Variants in ESRRG observed in about 807,000 individuals in gnomAD.
ESRRG encodes estrogen related receptor gamma, also known as estrogen-related receptor gamma.
A neutral mutation model predicts 44.0 loss-of-function variants in ESRRG; 13 were observed. That is an observed-to-expected ratio of 0.30 (90% confidence interval 0.19 to 0.47). The LOEUF (loss-of-function observed/expected upper bound fraction) is 0.47. ESRRG is among the 20% of genes least tolerant of loss of function. The pLI, the probability that ESRRG is intolerant of heterozygous loss-of-function variation, is 1.00. For missense variants in ESRRG, 395 were observed against 580.6 expected (o/e 0.68, Z 3.29); for synonymous variants, 215 against 214.6 (o/e 1.00, Z -0.02).
intron 2 of ESRRG, among the ~76,000 whole-genome samples, chr1:216,935,493 C>T (rs1339645478): frequency 2.0e-5 from 3 of 152,094 alleles, no homozygotes; most frequent in South Asian, 2.1e-4. Flanking sequence ...GTGCATAGGG[C>T]AAGGTATATG....
chr1:216,832,958 G>C (rs2095509267), intron 2 of ESRRG, among the ~76,000 whole-genome samples: 1 of 148,734 alleles, frequency 6.7e-6, no homozygotes. Flanking sequence ...CTGGGCGACA[G>C]AGTGGGACTC....
chr1:216,985,238 C>T (rs577635536), intron 1 of ESRRG, among the ~76,000 whole-genome samples: 60 of 152,250 alleles, frequency 3.9e-4, no homozygotes, highest in African/African-American at 1.4e-3. Context: ...TAATAAATCA[C>T]CTTTCAGTTT....
intron 4 of ESRRG, among the ~76,000 whole-genome samples, chr1:216,565,605 C>G (rs567383818): frequency 6.6e-6 from 1 of 152,246 alleles, no homozygotes; most frequent in East Asian, 1.9e-4. Flanking sequence ...ATAATTAGCA[C>G]TTTTTCTAAC....
At chr1:216,700,002 A>G (rs2081069392) in intron 1 of ESRRG, among the ~76,000 whole-genome samples, 1 of 152,180 alleles carries the variant, frequency 6.6e-6, no homozygotes, top group Non-Finnish European at 1.5e-5. Flanking sequence ...CACTCAGTCA[A>G]TCAGCCTGGG....
chr1:216,911,337 T>C (rs550531187), intron 2 of ESRRG, among the ~76,000 whole-genome samples: 1 of 152,128 alleles, frequency 6.6e-6, no homozygotes, highest in African/African-American at 2.4e-5. Context: ...GGAGGAACCT[T>C]AAATGTGGAA....
intron 4 of ESRRG, among the ~76,000 whole-genome samples, chr1:216,564,597 TTTC>T (rs2059358698): frequency 6.6e-6 from 1 of 152,124 alleles, no homozygotes; most frequent in African/African-American, 2.4e-5. Flanking sequence ...AGTCTTTTTT[TTTC>T]TTCTTTGCTC....
intron 2 of ESRRG, among the ~76,000 whole-genome samples, chr1:216,802,174 G>C (rs1017661885): frequency 6.6e-6 from 1 of 152,110 alleles, no homozygotes; most frequent in African/African-American, 2.4e-5. Context: ...TGGAAAGCCT[G>C]AGGGGTGCTT....
intron 1 of ESRRG, among the ~76,000 whole-genome samples, chr1:217,077,235 C>G (rs1383734912): frequency 1.3e-5 from 2 of 152,050 alleles, no homozygotes; most frequent in Non-Finnish European, 2.9e-5. Flanking sequence ...GGAGCAAGCT[C>G]TTAAGAAACC....
intron 1 of ESRRG, among the ~76,000 whole-genome samples, chr1:217,081,357 A>G (rs987231964): frequency 1.4e-5 from 2 of 143,038 alleles, no homozygotes; most frequent in Non-Finnish European, 3.0e-5. Flanking sequence ...CCTCCCGAGT[A>G]GCTGGGATTA....
intron 2 of ESRRG, among the ~76,000 whole-genome samples, chr1:216,806,348 G>C (rs2148392318): frequency 6.6e-6 from 1 of 152,284 alleles, no homozygotes; most frequent in Non-Finnish European, 1.5e-5. Context: ...ATGTCATGTT[G>C]CTGCAAGCCA....
intron 2 of ESRRG, among the ~76,000 whole-genome samples, chr1:216,735,369 T>TA (rs59778975): frequency 0.26 from 38,014 of 145,642 alleles, 5,376 homozygotes; most frequent in African/African-American, 0.39. Context: ...CCCAGCTAAT[T>TA]AAAAAAAAAA....
chr1:216,800,069 T>A (rs1320523095), intron 2 of ESRRG, among the ~76,000 whole-genome samples: 2 of 152,158 alleles, frequency 1.3e-5, no homozygotes, highest in Non-Finnish European at 2.9e-5. Context: ...AGGTGCTAAA[T>A]TAAGAAATGT....
Position 216,549,438 on chromosome 1 carries a change from A to T in ESRRG, c.862+14781T>A, listed in dbSNP as rs999724104. 3.1e-4 allele frequency among the ~76,000 whole-genome samples: 47 copies of T among 152,228 alleles called. 1 individual carries two copies. Among genetic ancestry groups the T allele is most frequent in the African/African-American group, 1.1e-3 (45 of 41,564 alleles). On this transcript the variant is annotated intron_variant, in intron 5 of 6. Coordinates refer to ENST00000408911, the MANE Select transcript of ESRRG (RefSeq NM_001438.4). ...AGGGTCCTCCATTTGTGATAGGACA[A>T]TTTCTGCAAATAAATAAAGAAATAA... is the stretch of plus-strand genomic sequence containing the variant.
chr1:216,936,524 C>T (rs1044248283), intron 2 of ESRRG: 7 of 151,798 alleles, frequency 4.6e-5, no homozygotes, highest in South Asian at 4.2e-4. Flanking sequence ...CACACACACA[C>T]GAGTATAAAT....
At chr1:216,586,721 G>A (rs1172005407) in intron 3 of ESRRG, among the ~76,000 whole-genome samples, 4 of 148,700 alleles carry the variant, frequency 2.7e-5, no homozygotes, top group African/African-American at 5.0e-5. Flanking sequence ...GACTACAGGC[G>A]CCCACCACCA....
chr1:216,564,867 T>C (rs1241328297), intron 4 of ESRRG, among the ~76,000 whole-genome samples: 2 of 152,174 alleles, frequency 1.3e-5, no homozygotes, highest in African/African-American at 4.8e-5. Context: ...TCTTAATTCC[T>C]TTAAAGAAGA....
At chr1:216,661,124 A>C (rs968003540) in intron 2 of ESRRG, among the ~76,000 whole-genome samples, 4 of 152,194 alleles carry the variant, frequency 2.6e-5, no homozygotes, top group Admixed American at 6.5e-5. Context: ...TTCTGATATA[A>C]TGATGTCTTC....
intron 1 of ESRRG, among the ~76,000 whole-genome samples, chr1:216,997,111 G>A (rs557014045): frequency 6.6e-6 from 1 of 152,240 alleles, no homozygotes; most frequent in East Asian, 1.9e-4. Context: ...CATTAAAGGA[G>A]CTAACAGTAG....
At chr1:217,032,030 T>A (rs576498297) in intron 1 of ESRRG, among the ~76,000 whole-genome samples, 39 of 152,292 alleles carry the variant, frequency 2.6e-4, no homozygotes, top group African/African-American at 9.1e-4. Context: ...AATGTGGAAT[T>A]TTCCCCTTGC....
Sources: allele counts gnomAD v4.1 joint callset (sites outside exome capture counted in the v4.1 genomes callset), GRCh38; gene constraint gnomAD v4.1.1; transcripts MANE v1.5; gene names NCBI Gene and HGNC (gene_info 2026-07-23, HGNC 2026-07-21).